RESF1: variants seen among roughly 807,000 people sequenced by gnomAD.
RESF1 encodes the protein gonad expressed transcript.
In RESF1, 65 loss-of-function variants were observed where a neutral mutation model predicts 134.7. The observed-to-expected ratio is 0.48, with a 90% CI of 0.40 to 0.59. RESF1 has a LOEUF of 0.59. Ranked by LOEUF, RESF1 falls within the 20% of genes least tolerant of loss-of-function variation. The pLI is 0.00. For missense variants in RESF1, 2,274 were observed against 2,002.7 expected, an observed-to-expected ratio of 1.14 and a Z score of -2.59; for synonymous variants, 762 against 702.2, an observed-to-expected ratio of 1.09 and a Z score of -1.35.
chr12:31,964,815 A>G (rs1298362482), intron 2 of RESF1, among the ~76,000 whole-genome samples: 1 of 152,112 alleles, frequency 6.6e-6, no homozygotes, highest in African/African-American at 2.4e-5. Context: ...GTCAGGTTGT[A>G]AGTTTTTAAG....
At chr12:31,978,878 T>G (rs1367366177) in intron 3 of RESF1, among the ~76,000 whole-genome samples, 1 of 151,568 alleles carries the variant, frequency 6.6e-6, no homozygotes, top group African/African-American at 2.4e-5. Context: ...AGTATTTGAT[T>G]TTGTCAGAAA....
chr12:31,966,331 T>A (rs1939396568), intron 2 of RESF1, among the ~76,000 whole-genome samples: 1 of 152,236 alleles, frequency 6.6e-6, no homozygotes. Context: ...CGAAATGAAT[T>A]ACTTGGCAGA....
chr12:31,988,045 C>CT (rs1278890443), intron 5 of RESF1, among the ~76,000 whole-genome samples: 8 of 152,096 alleles, frequency 5.3e-5, no homozygotes, highest in East Asian at 1.9e-4. Flanking sequence ...TCTAATTAAA[C>CT]TTTATCTACC....
intron 5 of RESF1, among the ~76,000 whole-genome samples, chr12:31,990,674 A>G (rs1259217761): frequency 1.3e-5 from 2 of 152,108 alleles, no homozygotes; most frequent in Non-Finnish European, 1.5e-5. Flanking sequence ...CTCCAACCTC[A>G]GTGATCCACC....
chr12:31,973,155 A>T lies in RESF1; in HGVS notation c.-79+2799A>T, dbSNP rs73081568. Among the ~76,000 whole-genome samples the T allele has an allele frequency of 1.3e-3, 198 of 152,274 alleles. 1 individual carries two copies. The highest frequency in any genetic ancestry group is 0.01 in the Middle Eastern group (3 of 294). On this transcript the variant is annotated intron_variant, in intron 3 of 5. Transcript: ENST00000312561. ...CTCAGAGAAATGGTAGTGATGGACC[A>T]TGGAAACTTGTCTATGGTAATCTGT...
chr12:31,992,055 C>G (rs747810813), intron 5 of RESF1, among the ~76,000 whole-genome samples: 1 of 152,118 alleles, frequency 6.6e-6, no homozygotes, highest in Non-Finnish European at 1.5e-5. Context: ...ATTTACATAG[C>G]TGTTTAAAAG....
chr12:31,984,594 C>G lies in RESF1; in HGVS notation c.3639C>G (p.Asn1213Lys). ...QKEQCSPLDTNSCKQGERTSD... is the reference protein window; with the variant it reads ...QKEQCSPLDTKSCKQGERTSD... ...AGCAGTGTTCTCCTTTGGATACCAA[C>G]AGTTGTAAACAAGGAGAGAGAACTT... Residue 1213 changes from asparagine to lysine, a missense_variant, in exon 4 of 6, where the codon AAC becomes AAG. Transcript: ENST00000312561. 1 of 1,579,020 alleles carries G rather than the reference C, an allele frequency of 6.3e-7. No individual in the cohort carries two copies.
intron 3 of RESF1, among the ~76,000 whole-genome samples, chr12:31,975,904 T>C (rs545809288): frequency 2.8e-4 from 43 of 152,384 alleles, no homozygotes; most frequent in Non-Finnish European, 4.4e-4. Context: ...GGCAGTGTTA[T>C]AATTATGCAT....
At chr12:31,959,987 G>T (rs1939221274) in intron 1 of RESF1, 1 of 150,036 alleles carries the variant, frequency 6.7e-6, no homozygotes, top group East Asian at 1.9e-4. Flanking sequence ...GCTATTTCCC[G>T]AGGGTTCTCC....
chr12:31,971,144 C>T (rs1939496923), intron 3 of RESF1, among the ~76,000 whole-genome samples: 1 of 152,062 alleles, frequency 6.6e-6, no homozygotes, highest in Non-Finnish European at 1.5e-5. Flanking sequence ...TATAGGCATT[C>T]CTGCTTTCTT....
intron 2 of RESF1, among the ~76,000 whole-genome samples, chr12:31,962,238 A>G (rs899423336): frequency 2.0e-5 from 3 of 151,006 alleles, no homozygotes; most frequent in Non-Finnish European, 3.0e-5. Flanking sequence ...AAAAAAAAAA[A>G]GCATTTGTGA....
intron 3 of RESF1, among the ~76,000 whole-genome samples, chr12:31,979,212 A>G (rs1316916115): frequency 2.6e-5 from 4 of 152,150 alleles, no homozygotes; most frequent in Non-Finnish European, 5.9e-5. Context: ...GAGCCACTGC[A>G]CCTGGCCCCA....
chr12:31,989,812 A>G (rs1392267042), intron 5 of RESF1, among the ~76,000 whole-genome samples: 1 of 152,208 alleles, frequency 6.6e-6, no homozygotes, highest in African/African-American at 2.4e-5. Flanking sequence ...AGATCGGACC[A>G]CTGCACTCCA....
At chr12:31,987,094 C>T in intron 4 of RESF1, 145 bp from the exon 5 acceptor site, 1 of 561,590 alleles carries the variant, frequency 1.8e-6, no homozygotes, top group Non-Finnish European at 3.2e-6. Context: ...ATCATTTTTC[C>T]AGTCCTTTTT....
Position 31,970,826 on chromosome 12 carries a change from C to G in RESF1, c.-79+470C>G, listed in dbSNP as rs183827530. Reference sequence around the variant, plus strand: ...GATTATAACCTCAGTATTGTATCCTCCAACGAAAAAAGACAATTTGAGTAT... The same window carrying G: ...GATTATAACCTCAGTATTGTATCCTGCAACGAAAAAAGACAATTTGAGTAT... On this transcript the variant is annotated intron_variant, in intron 3 of 5. Transcript: ENST00000312561. Among the ~76,000 whole-genome samples, 4 of 152,282 alleles carry G rather than the reference C, an allele frequency of 2.6e-5. No individual in the cohort carries two copies. The East Asian group carries it at 5.8e-4, about 22-fold the overall frequency.
At chr12:31,991,449 CA>C (rs981610279) in intron 5 of RESF1, among the ~76,000 whole-genome samples, 13 of 152,118 alleles carry the variant, frequency 8.5e-5, no homozygotes, top group African/African-American at 2.9e-4. Context: ...TAGAAAAAGA[CA>C]AAACAAGACC....
intron 1 of RESF1, chr12:31,959,699 C>G (rs922194155): frequency 2.0e-5 from 3 of 151,140 alleles, no homozygotes; most frequent in African/African-American, 7.3e-5. Flanking sequence ...GTCCGCCCAC[C>G]GGAGCTGGGC....
Position 31,985,821 on chromosome 12 carries a change from G to A in RESF1, c.4866G>A (p.Pro1622=), listed in dbSNP as rs754682350. Residue 1622 remains proline, a synonymous_variant, in exon 4 of 6, where the codon CCG becomes CCA. Transcript: ENST00000312561. ...AAAATAAACATAAGACCTTTTTACC[G>A]GTGAAAGGTAACACAGAAAAATCAA... ...RQENKHKTFL[P]VKGNTEKSNM... 1.8e-5 allele frequency: 28 copies of A among 1,565,284 alleles called. No homozygotes were observed. The highest frequency in any genetic ancestry group is 2.4e-5 in the South Asian group (2 of 82,608).
At chr12:31,973,786 C>A (rs1939567731) in intron 3 of RESF1, among the ~76,000 whole-genome samples, 1 of 152,174 alleles carries the variant, frequency 6.6e-6, no homozygotes, top group Admixed American at 6.5e-5. Flanking sequence ...CTTCTTCACA[C>A]AACTGACCAC....
Sources: allele counts gnomAD v4.1 joint callset (sites outside exome capture counted in the v4.1 genomes callset), GRCh38; gene constraint gnomAD v4.1.1; transcripts MANE v1.5; gene names NCBI Gene and HGNC (gene_info 2026-07-23, HGNC 2026-07-21).